The following ANKRD11 variants were observed in gnomAD, a reference collection of about 807,000 sequenced individuals.
The protein encoded by ANKRD11 is ankyrin repeat domain 11, also known as ankyrin repeat domain-containing protein 11.
In ANKRD11, 17 loss-of-function variants were observed where a neutral mutation model predicts 195.7. The observed-to-expected ratio is 0.09, with a 90% CI of 0.06 to 0.13. The LOEUF (loss-of-function observed/expected upper bound fraction) is 0.13. Ranked by LOEUF, ANKRD11 falls within the 10% of genes least tolerant of loss-of-function variation. The pLI is 1.00. For synonymous variants in ANKRD11, 1,953 were observed against 1,528.1 expected, an observed-to-expected ratio of 1.28 and a Z score of -6.49; for missense variants, 3,735 against 3,566.1, an observed-to-expected ratio of 1.05 and a Z score of -1.21.
chr16:89,416,584 C>T (rs2042319493), intron 2 of ANKRD11, among the ~76,000 whole-genome samples: 1 of 152,068 alleles, frequency 6.6e-6, no homozygotes, highest in Non-Finnish European at 1.5e-5. Flanking sequence ...AGGCGTGAGC[C>T]ACTGTGCCTG....
At chr16:89,480,441 C>T (rs2057407585) in intron 1 of ANKRD11, among the ~76,000 whole-genome samples, 1 of 151,682 alleles carries the variant, frequency 6.6e-6, no homozygotes, top group Non-Finnish European at 1.5e-5. Context: ...CACACCACTG[C>T]ACTCCAGCCT....
chr16:89,324,682 C>T lies in ANKRD11; in HGVS notation c.-59-7604G>A, dbSNP rs181820143. The T allele has an allele frequency of 8.3e-4, 296 of 357,738 alleles. 7 individuals carry two copies. In the Admixed American group the frequency reaches 0.01, roughly 12 times the overall value. The allele number at this position is 357,738 out of a possible 1,614,324, so 22.2% of individuals were successfully genotyped here. A position where few individuals can be genotyped will look rare whatever the true frequency, so the allele number is the denominator to read the frequency against. On this transcript the variant is annotated intron_variant, in intron 2 of 12. Coordinates refer to ENST00000301030, the MANE Select transcript of ANKRD11 (RefSeq NM_013275.6). ...TTCCATGCTGGATACTTCCTGCCCT[C>T]GAACATCAGACTCCAAGTGCTTCAG...
At chr16:89,415,428 C>A (rs1487070919) in intron 2 of ANKRD11, among the ~76,000 whole-genome samples, 1 of 150,752 alleles carries the variant, frequency 6.6e-6, no homozygotes, top group Non-Finnish European at 1.5e-5. Flanking sequence ...CCATGCCCGG[C>A]TAATTTTTTG....
At chr16:89,346,628 C>A (rs931514979) in intron 2 of ANKRD11, among the ~76,000 whole-genome samples, 1 of 152,066 alleles carries the variant, frequency 6.6e-6, no homozygotes, top group Non-Finnish European at 1.5e-5. Flanking sequence ...TTAAGAAATG[C>A]ATTTCTAAGG....
intron 2 of ANKRD11, among the ~76,000 whole-genome samples, chr16:89,389,921 G>A (rs112030139): frequency 7.2e-5 from 6 of 83,626 alleles, no homozygotes; most frequent in Admixed American, 1.4e-4. Context: ...TCACTGGGGC[G>A]AACACCGAGT....
Position 89,393,319 on chromosome 16 carries a change from T to TA in ANKRD11, c.-60+24964_-60+24965insT, listed in dbSNP as rs201673659. On this transcript the variant is annotated intron_variant, in intron 2 of 12. Coordinates refer to ENST00000301030, the MANE Select transcript of ANKRD11 (RefSeq NM_013275.6). ...TTTTTACTTTTTTTATTTTTATTTT[T>TA]TTTTTTTTTGAGACGGAGGCTTGCT... Among the ~76,000 whole-genome samples, 580 of 150,988 alleles carry TA rather than the reference T, an allele frequency of 3.8e-3. 3 individuals carry two copies. Among genetic ancestry groups the TA allele is most frequent in the African/African-American group, 0.014 (559 of 41,116 alleles).
intron 3 of ANKRD11, among the ~76,000 whole-genome samples, chr16:89,308,617 C>G (rs1044234542): frequency 2.0e-4 from 30 of 152,200 alleles, no homozygotes; most frequent in African/African-American, 7.2e-4. Context: ...CCCCAGCAAA[C>G]GCCCGGGAGG....
chr16:89,312,783 G>T (rs1002959607), intron 3 of ANKRD11, among the ~76,000 whole-genome samples: 1 of 152,204 alleles, frequency 6.6e-6, no homozygotes, highest in Non-Finnish European at 1.5e-5. Context: ...TGCCAGACTG[G>T]CTCGTGAAAC....
At chr16:89,378,610 G>C (rs79664409) in intron 2 of ANKRD11, among the ~76,000 whole-genome samples, 3,163 of 152,306 alleles carry the variant, frequency 0.021, 125 homozygotes, top group African/African-American at 0.073. Context: ...AGCATGACTA[G>C]CAAGTGCTCA....
At chr16:89,270,996 C>T (rs1020972523) in intron 11 of ANKRD11, 87 bp from the exon 12 acceptor site, 4 of 1,276,980 alleles carry the variant, frequency 3.1e-6, no homozygotes, top group South Asian at 2.5e-5. Context: ...CTGCAGTGAC[C>T]GTTCTCAAGG....
At chr16:89,314,445 A>C (rs559781004) in intron 3 of ANKRD11, among the ~76,000 whole-genome samples, 2 of 152,244 alleles carry the variant, frequency 1.3e-5, no homozygotes, top group African/African-American at 4.8e-5. Flanking sequence ...AACAACTCAA[A>C]GCAGCTGAGC....
chr16:89,272,008 T>A (rs2883069), intron 11 of ANKRD11: 126,627 of 151,908 alleles, frequency 0.83, 53,089 homozygotes, highest in African/African-American at 0.9. Flanking sequence ...ACACAGATTC[T>A]CAAGCAGAAC....
chr16:89,425,210 G>A (rs931005014), intron 1 of ANKRD11, among the ~76,000 whole-genome samples: 8 of 151,810 alleles, frequency 5.3e-5, no homozygotes, highest in African/African-American at 1.9e-4. Flanking sequence ...TCTCCCCTTT[G>A]CACATGAGAA....
At chr16:89,307,526 C>T (rs1036068271) in intron 3 of ANKRD11, among the ~76,000 whole-genome samples, 9 of 152,180 alleles carry the variant, frequency 5.9e-5, no homozygotes, top group South Asian at 4.1e-4. Context: ...GGGTGCCAGA[C>T]GGGTCTCTGG....
In ANKRD11 at chr16:89,313,485, A is replaced by G. The variant is rs1050133701; in HGVS notation, c.87+3448T>C. The stretch of plus-strand genomic sequence containing the variant: ...CACTGGTGCAGCCAAAGGGACACGC[A>G]CAAGCCGTCAGGTCAGCGCGGCATC... On this transcript the variant is annotated intron_variant, in intron 3 of 12. Coordinates refer to ENST00000301030, the MANE Select transcript of ANKRD11 (RefSeq NM_013275.6). 1.6e-5 allele frequency: 20 copies of G among 1,289,062 alleles called. No homozygotes were observed. In the Admixed American group the frequency reaches 4.6e-4, roughly 30 times the overall value. The allele number at this position is 1,289,062 out of a possible 1,614,324, so 79.9% of individuals were successfully genotyped here.
intron 2 of ANKRD11, among the ~76,000 whole-genome samples, chr16:89,402,256 C>T (rs551796288): frequency 1.3e-5 from 2 of 152,160 alleles, no homozygotes; most frequent in African/African-American, 4.8e-5. Context: ...GGTGCCTACA[C>T]GTGACGTACG....
At chr16:89,317,949 G>A (rs998405363) in intron 2 of ANKRD11, among the ~76,000 whole-genome samples, 8 of 152,126 alleles carry the variant, frequency 5.3e-5, no homozygotes, top group African/African-American at 1.2e-4. Flanking sequence ...GCAGAGCCAG[G>A]TAAAGGAAAC....
intron 1 of ANKRD11, among the ~76,000 whole-genome samples, chr16:89,471,487 G>C (rs1371679947): frequency 2.0e-5 from 3 of 151,638 alleles, no homozygotes; most frequent in Non-Finnish European, 1.5e-5. Context: ...GGCCACCATG[G>C]AGACACTTAA....
chr16:89,432,038 A>G (rs996333031), intron 1 of ANKRD11, among the ~76,000 whole-genome samples: 7 of 152,046 alleles, frequency 4.6e-5, no homozygotes, highest in African/African-American at 1.7e-4. Flanking sequence ...CTAGTTCAAG[A>G]GTGTCTCAGT....
Sources: allele counts gnomAD v4.1 joint callset (sites outside exome capture counted in the v4.1 genomes callset), GRCh38; gene constraint gnomAD v4.1.1; transcripts MANE v1.5; gene names NCBI Gene and HGNC (gene_info 2026-07-23, HGNC 2026-07-21).